The following GEN1 variants were observed in gnomAD, a reference collection of about 807,000 sequenced individuals.
The protein encoded by GEN1 is flap endonuclease GEN homolog 1.
In GEN1, 64 loss-of-function variants were observed where a neutral mutation model predicts 67.6. The observed-to-expected ratio is 0.95, with a 90% CI of 0.77 to 1.17. GEN1 has a LOEUF of 1.17. Ranked by LOEUF, GEN1 falls within the 50% of genes most tolerant of loss-of-function variation. The probability of loss-of-function intolerance (pLI) is 0.00; values close to 1 mark genes in which losing one functional copy is unlikely to be tolerated. For synonymous variants in GEN1, 371 were observed against 359.4 expected (o/e 1.03, Z -0.37); for missense variants, 1,058 against 1,048.3 (o/e 1.01, Z -0.13).
At chr2:17,772,580 G>A in intron 7 of GEN1, 54 bp from the exon 8 acceptor site, 2 of 1,507,188 alleles carry the variant, frequency 1.3e-6, no homozygotes, top group Non-Finnish European at 1.8e-6. Context: ...AATGTATGTA[G>A]AAAGTAATTA....
Position 17,781,289 on chromosome 2 carries a change from GT to G in GEN1, c.2078del (p.Val693AlafsTer3). ...SYPQDNLQPD[V>X]NLKTLSILSV... ...TCCTCAGGATAATCTACAACCAGATGTCAACCTGAAAACTTTGTCCATACTT... is the reference window on the plus strand; with the variant it reads ...TCCTCAGGATAATCTACAACCAGATGCAACCTGAAAACTTTGTCCATACTT... On this transcript the variant is annotated frameshift_variant, in exon 14 of 14. Coordinates refer to ENST00000381254, the MANE Select transcript of GEN1 (RefSeq NM_001130009.3). LOFTEE classifies it low-confidence loss of function (END_TRUNC). 1 of 1,613,764 alleles carries G rather than the reference GT, an allele frequency of 6.2e-7. No individual in the cohort carries two copies. Among genetic ancestry groups the G allele is most frequent in the Non-Finnish European group, 8.5e-7 (1 of 1,179,728 alleles).
In GEN1 at chr2:17,781,242, G is replaced by A. The variant is rs200843544; in HGVS notation, c.2030G>A (p.Arg677Gln). The change falls in exon 14 of 14, where the codon CGA becomes CAA. Residue 677 changes from arginine (R) to glutamine (Q), a missense_variant. By Grantham distance (43) the Arg-to-Gln change is conservative. Coordinates refer to ENST00000381254, the MANE Select transcript of GEN1 (RefSeq NM_001130009.3). ...LCLQDLPLKE[R>Q]IFTKLSYPQD... is the part of the protein sequence containing the mutation. ...CTTCAGGATTTGCCTTTAAAGGAACGAATATTTACAAAATTATCATATCCT... is the reference window on the plus strand; with the variant it reads ...CTTCAGGATTTGCCTTTAAAGGAACAAATATTTACAAAATTATCATATCCT... 44 of 1,613,530 alleles carry A rather than the reference G, an allele frequency of 2.7e-5. No homozygotes were observed. The highest frequency in any genetic ancestry group is 3.3e-5 in the Admixed American group (2 of 60,006).
intron 12 of GEN1, among the ~76,000 whole-genome samples, chr2:17,778,458 A>C (rs1448776535): frequency 1.5e-4 from 3 of 20,484 alleles, no homozygotes; most frequent in African/African-American, 4.3e-4. Flanking sequence ...ATGTGTGTAC[A>C]TATATGTATA....
chr2:17,753,371 C>CCTGGGAGGGGACGGCCGCCTGGGGGG (rs1487450769), upstream of GEN1, among the ~76,000 whole-genome samples: 5 of 51,438 alleles, frequency 9.7e-5, no homozygotes, highest in Admixed American at 2.8e-4. Context: ...GGGGACGGCC[C>CCTGGGAGGGGACGGCCGCCTGGGGGG]GGAGCAGACG....
intron 3 of GEN1, 109 bp from the exon 4 acceptor site, chr2:17,764,788 A>G (rs892502526): frequency 2.0e-6 from 2 of 996,164 alleles, no homozygotes; most frequent in Non-Finnish European, 2.8e-6. Flanking sequence ...AATTTTTAAA[A>G]CACCAAAATA....
At position 17,781,644 on chromosome 2, in the gene GEN1, G is replaced by T; in HGVS notation, c.2432G>T (p.Gly811Val). The part of the protein sequence containing the change: ...SSDEQSAPVF[G>V]KAKYTTQRMK... ...GATGAACAAAGTGCCCCAGTGTTTG[G>T]GAAAGCTAAGTACACAACTCAAAGA... Residue 811 changes from glycine to valine, a missense_variant, in exon 14 of 14, where the codon GGG becomes GTG. Physicochemically the swap from Gly to Val is moderately radical, Grantham distance 109. Coordinates refer to ENST00000381254, the MANE Select transcript of GEN1 (RefSeq NM_001130009.3). The T allele has an allele frequency of 6.2e-7, 1 of 1,613,958 alleles. No homozygotes were observed. The highest frequency in any genetic ancestry group is 1.1e-5 in the South Asian group (1 of 91,068).
chr2:17,778,248 G>GTA (rs1425065516), intron 12 of GEN1, among the ~76,000 whole-genome samples, 185 bp downstream of exon 12: 9 of 119,494 alleles, frequency 7.5e-5, no homozygotes, highest in South Asian at 5.5e-4. Context: ...GTACATATAT[G>GTA]TATACACACA....
At position 17,775,599 on chromosome 2, in the gene GEN1, A is replaced by G. The variant is rs567272364; in HGVS notation, c.1202+1198A>G. ...CCAAACCAATCAGGCAACAATCATC[A>G]ATGGATGTTAAAACCATTAGATGAA... On this transcript the variant is annotated intron_variant, in intron 11 of 13. Coordinates refer to ENST00000381254, the MANE Select transcript of GEN1 (RefSeq NM_001130009.3). 1.3e-3 allele frequency among the ~76,000 whole-genome samples: 197 copies of G among 152,338 alleles called. 1 individual carries two copies. Among genetic ancestry groups the G allele is most frequent in the African/African-American group, 4.2e-3 (174 of 41,576 alleles).
In GEN1 at chr2:17,780,088, CAA is replaced by C; in HGVS notation, c.1378_1379del (p.Lys460ValfsTer4). On this transcript the variant is annotated frameshift_variant, in exon 13 of 14. Coordinates refer to ENST00000381254, the MANE Select transcript of GEN1 (RefSeq NM_001130009.3). LOFTEE classifies it low-confidence loss of function (END_TRUNC). ...YPEIVAVYQKQKLEIKGKKQK... is the reference protein window; with the variant it reads ...YPEIVAVYQKXKLEIKGKKQK... ...TGAGATCGTTGCTGTTTACCAAAAA[CAA>C]AAGTTAGAAATTAAAGGGAAGAAAC... is the stretch of plus-strand genomic sequence containing the variant. 6.2e-7 allele frequency: 1 copy of C among 1,612,370 alleles called. No homozygotes were observed. Among genetic ancestry groups the C allele is most frequent in the Non-Finnish European group, 8.5e-7 (1 of 1,179,328 alleles).
chr2:17,757,114 C>T (rs976645526), intron 1 of GEN1, among the ~76,000 whole-genome samples: 11 of 151,918 alleles, frequency 7.2e-5, no homozygotes, highest in African/African-American at 2.4e-4. Flanking sequence ...GGTTTGTTTC[C>T]GACAAAAGAA....
intron 13 of GEN1, 24 bp from the exon 14 acceptor site, chr2:17,780,597 T>C: frequency 7.3e-7 from 1 of 1,369,700 alleles, no homozygotes; most frequent in Middle Eastern, 2.4e-4. Context: ...AAATGTTGAT[T>C]ATATGTATTT....
At position 17,781,645 on chromosome 2, in the gene GEN1, G is replaced by A. The variant is rs778017011; in HGVS notation, c.2433G>A (p.Gly811=). 1 of 1,613,888 alleles carries A rather than the reference G, an allele frequency of 6.2e-7. No individual in the cohort carries two copies. The highest frequency in any genetic ancestry group is 8.5e-7 in the Non-Finnish European group (1 of 1,179,972). The part of the protein sequence containing the change: ...SSDEQSAPVF[G]KAKYTTQRMK... Reference sequence around the variant, plus strand: ...ATGAACAAAGTGCCCCAGTGTTTGGGAAAGCTAAGTACACAACTCAAAGAA... The same window carrying A: ...ATGAACAAAGTGCCCCAGTGTTTGGAAAAGCTAAGTACACAACTCAAAGAA... The change falls in exon 14 of 14, where the codon GGG becomes GGA. Residue 811 remains glycine (G), a synonymous_variant. Coordinates refer to ENST00000381254, the MANE Select transcript of GEN1 (RefSeq NM_001130009.3).
chr2:17,774,238 C>T (rs750932625), intron 10 of GEN1, 33 bp from the exon 11 acceptor site: 3 of 1,305,200 alleles, frequency 2.3e-6, no homozygotes, highest in African/African-American at 3.1e-5. Context: ...CAAGAGATAA[C>T]AAAATCTTGT....
intron 3 of GEN1, 115 bp downstream of exon 3, chr2:17,761,697 C>T (rs1671687618): frequency 1.3e-5 from 9 of 683,430 alleles, no homozygotes; most frequent in Non-Finnish European, 2.1e-5. Flanking sequence ...CAGGGATGTG[C>T]CTAGAGAAAA....
At chr2:17,780,394 C>T (rs756064740) in intron 13 of GEN1, among the ~76,000 whole-genome samples, 12 of 152,092 alleles carry the variant, frequency 7.9e-5, no homozygotes, top group South Asian at 6.2e-4. Flanking sequence ...ATAGCATATT[C>T]GGATTTTAAA....
chr2:17,763,774 T>C (rs989647016), intron 3 of GEN1, among the ~76,000 whole-genome samples: 1 of 152,244 alleles, frequency 6.6e-6, no homozygotes, highest in African/African-American at 2.4e-5. Context: ...GTCACAAAAC[T>C]GTCTCTCTAA....
chr2:17,772,870 C>T lies in GEN1; in HGVS notation c.953+86C>T, dbSNP rs922339804. ...GAATTATTTCCATATAATCTTTCCC[C>T]ATATCTAGATTAGTCACATGTTTAA... On this transcript the variant is annotated intron_variant, in intron 8 of 13. Transcript: ENST00000381254. 2.3e-6 allele frequency: 3 copies of T among 1,276,882 alleles called. No individual in the cohort carries two copies. The African/African-American group carries it at 4.5e-5, about 19-fold the overall frequency. The allele number at this position is 1,276,882 out of a possible 1,614,324, so 79.1% of individuals were successfully genotyped here. A position where few individuals can be genotyped will look rare whatever the true frequency, so the allele number is the denominator to read the frequency against.
chr2:17,771,427 G>A (rs1672185364), intron 7 of GEN1, 140 bp downstream of exon 7: 1 of 614,196 alleles, frequency 1.6e-6, no homozygotes, highest in African/African-American at 1.8e-5. Flanking sequence ...GGAATTCCTT[G>A]CAGTCAGTTT....
upstream of GEN1, among the ~76,000 whole-genome samples, chr2:17,753,370 C>CGCCTGGGAGGGGACGGCA (rs1206691755): frequency 6.6e-6 from 1 of 151,436 alleles, no homozygotes; most frequent in African/African-American, 2.4e-5. Context: ...AGGGGACGGC[C>CGCCTGGGAGGGGACGGCA]CGGAGCAGAC....
Sources: gnomAD v4.1 joint callset for allele counts (sites outside exome capture counted in the v4.1 genomes callset) on GRCh38, gnomAD v4.1.1 for gene constraint, MANE v1.5 for transcripts, NCBI Gene and HGNC (gene_info 2026-07-23, HGNC 2026-07-21) for gene names.